Variants in DOCK1 observed in about 807,000 individuals in gnomAD.
DOCK1 encodes dedicator of cytokinesis 1, also known as dedicator of cytokinesis protein 1.
A neutral mutation model predicts 262.7 loss-of-function variants in DOCK1; 138 were observed. The ratio of observed to expected loss-of-function variants is 0.53; its 90% confidence interval spans 0.46 to 0.61. The LOEUF (loss-of-function observed/expected upper bound fraction) is 0.61, where lower values mean the gene tolerates loss of function less well. Ranked by LOEUF, DOCK1 falls within the 20% of genes least tolerant of loss-of-function variation. DOCK1 has a pLI of 0.00. For synonymous variants in DOCK1, 866 were observed against 867.4 expected, an observed-to-expected ratio of 1.00 and a Z score of 0.03; for missense variants, 1,908 against 2,370.7, an observed-to-expected ratio of 0.80 and a Z score of 4.05.
intron 27 of DOCK1, among the ~76,000 whole-genome samples, chr10:127,199,213 A>T (rs1156838306): frequency 6.6e-6 from 1 of 152,188 alleles, no homozygotes; most frequent in African/African-American, 2.4e-5. Flanking sequence ...GAGGAATAAA[A>T]ATAAGGGAAA....
intron 27 of DOCK1, among the ~76,000 whole-genome samples, chr10:127,210,035 TTCTC>T (rs1221986470): frequency 1.3e-5 from 2 of 152,186 alleles, no homozygotes; most frequent in Non-Finnish European, 2.9e-5. Flanking sequence ...CAAATCATCT[TTCTC>T]TCTTTCTAGT....
chr10:126,975,718 T>C (rs2038479900), intron 2 of DOCK1, among the ~76,000 whole-genome samples: 1 of 151,412 alleles, frequency 6.6e-6, no homozygotes, highest in South Asian at 2.1e-4. Flanking sequence ...TCTGCCTCCC[T>C]GGTTCAGGTG....
chr10:127,115,056 G>A (rs1200905537), intron 25 of DOCK1, among the ~76,000 whole-genome samples: 3 of 152,108 alleles, frequency 2.0e-5, no homozygotes, highest in Admixed American at 6.6e-5. Context: ...CGCCCGGCCA[G>A]TCCATCTTTT....
At chr10:127,070,589 G>A (rs555911554) in intron 23 of DOCK1, among the ~76,000 whole-genome samples, 28 of 151,962 alleles carry the variant, frequency 1.8e-4, no homozygotes, top group African/African-American at 6.8e-4. Context: ...TTCACCCACG[G>A]TAGACGTCAT....
intron 38 of DOCK1, among the ~76,000 whole-genome samples, chr10:127,390,265 G>T (rs574783800): frequency 2.0e-5 from 3 of 152,208 alleles, no homozygotes; most frequent in Admixed American, 1.3e-4. Flanking sequence ...TAATTGGTAG[G>T]ACTCTAACCC....
At chr10:127,162,568 G>C (rs1027309291) in intron 27 of DOCK1, among the ~76,000 whole-genome samples, 2 of 152,124 alleles carry the variant, frequency 1.3e-5, no homozygotes, top group African/African-American at 4.8e-5. Context: ...AAAGTTCTCA[G>C]AATCACACAC....
At chr10:126,913,806 G>T (rs928393024) in intron 1 of DOCK1, among the ~76,000 whole-genome samples, 2 of 152,198 alleles carry the variant, frequency 1.3e-5, no homozygotes, top group African/African-American at 4.8e-5. Flanking sequence ...TATAGTGTGT[G>T]CTGTCAAAAC....
At chr10:127,091,270 A>G (rs1470588253) in intron 23 of DOCK1, among the ~76,000 whole-genome samples, 2 of 152,180 alleles carry the variant, frequency 1.3e-5, no homozygotes, top group African/African-American at 2.4e-5. Context: ...GGCGTGAGCC[A>G]CTGCGCCCAG....
intron 6 of DOCK1, among the ~76,000 whole-genome samples, chr10:126,994,651 T>TTG (rs2040037991): frequency 6.6e-6 from 1 of 152,190 alleles, no homozygotes; most frequent in African/African-American, 2.4e-5. Flanking sequence ...CGTCATAGAT[T>TTG]AACAGCATCC....
chr10:127,060,940 A>T (rs192797961), intron 22 of DOCK1, among the ~76,000 whole-genome samples: 3 of 152,348 alleles, frequency 2.0e-5, no homozygotes, highest in Admixed American at 2.0e-4. Flanking sequence ...GTTTAAAAAC[A>T]TTGGTAGTGG....
At chr10:127,438,042 C>A (rs923465737) in intron 48 of DOCK1, among the ~76,000 whole-genome samples, 2 of 152,222 alleles carry the variant, frequency 1.3e-5, no homozygotes, top group Non-Finnish European at 2.9e-5. Flanking sequence ...CTGCCTTCCA[C>A]GTGAGTTATG....
chr10:127,130,678 C>T (rs2080884536), intron 27 of DOCK1, among the ~76,000 whole-genome samples: 1 of 152,198 alleles, frequency 6.6e-6, no homozygotes, highest in Admixed American at 6.5e-5. Context: ...ACTGAGCATG[C>T]ATTTACGTGC....
At chr10:127,252,683 G>C (rs973790055) in intron 28 of DOCK1, among the ~76,000 whole-genome samples, 20 of 150,914 alleles carry the variant, frequency 1.3e-4, no homozygotes, top group Non-Finnish European at 2.4e-4. Flanking sequence ...GTTTGTCAAA[G>C]ATCAGGTAGT....
chr10:127,404,692 A>G (rs1436724999), intron 40 of DOCK1, among the ~76,000 whole-genome samples: 1 of 152,266 alleles, frequency 6.6e-6, no homozygotes. Context: ...GGTGTGATAT[A>G]TGATATGTGA....
At chr10:127,403,715 C>T (rs758316514) in intron 39 of DOCK1, among the ~76,000 whole-genome samples, 7 of 152,108 alleles carry the variant, frequency 4.6e-5, no homozygotes, top group Non-Finnish European at 1.0e-4. Flanking sequence ...GCTGAGATCG[C>T]GCCAATGCAC....
intron 29 of DOCK1, among the ~76,000 whole-genome samples, chr10:127,321,721 C>T (rs1003029422): frequency 7.1e-6 from 1 of 141,708 alleles, no homozygotes; most frequent in African/African-American, 2.9e-5. Flanking sequence ...ACCCCTCCCC[C>T]CGCCGCCCCT....
intron 29 of DOCK1, among the ~76,000 whole-genome samples, chr10:127,285,849 A>G (rs2135320373): frequency 6.6e-6 from 1 of 152,282 alleles, no homozygotes; most frequent in African/African-American, 2.4e-5. Context: ...CACAGGAATC[A>G]CCTGAAAGAC....
At chr10:127,218,414 A>T (rs986819874) in intron 27 of DOCK1, among the ~76,000 whole-genome samples, 1 of 152,110 alleles carries the variant, frequency 6.6e-6, no homozygotes, top group Non-Finnish European at 1.5e-5. Context: ...TTCTTCAATG[A>T]CAATAAGTTA....
chr10:126,928,797 C>G (rs1205820133), intron 1 of DOCK1, among the ~76,000 whole-genome samples: 7 of 152,200 alleles, frequency 4.6e-5, no homozygotes, highest in Non-Finnish European at 8.8e-5. Flanking sequence ...CCCAATTTAC[C>G]AGAAACTAAA....
Sources: gnomAD v4.1 joint callset for allele counts (sites outside exome capture counted in the v4.1 genomes callset) on GRCh38, gnomAD v4.1.1 for gene constraint, MANE v1.5 for transcripts, NCBI Gene and HGNC (gene_info 2026-07-23, HGNC 2026-07-21) for gene names.